Variants in PI4K2B observed in about 807,000 individuals in gnomAD.
PI4K2B encodes phosphatidylinositol 4-kinase type 2 beta.
A neutral mutation model predicts 56.6 loss-of-function variants in PI4K2B; 46 were observed. That is an observed-to-expected ratio of 0.81 (90% confidence interval 0.64 to 1.04). PI4K2B has a LOEUF of 1.04. PI4K2B is among the 50% of genes least tolerant of loss of function. The pLI is 0.00. For synonymous variants in PI4K2B, 211 were observed against 223.8 expected, an observed-to-expected ratio of 0.94 and a Z score of 0.51; for missense variants, 556 against 607.7, an observed-to-expected ratio of 0.91 and a Z score of 0.89.
chr4:25,271,772 A>G (rs1310035187), intron 9 of PI4K2B, among the ~76,000 whole-genome samples: 3 of 152,216 alleles, frequency 2.0e-5, no homozygotes, highest in Non-Finnish European at 4.4e-5. Flanking sequence ...TAAAATAAAG[A>G]AGTAAATAAA....
At chr4:25,255,908 G>C (rs1716246954) in intron 3 of PI4K2B, among the ~76,000 whole-genome samples, 1 of 151,020 alleles carries the variant, frequency 6.6e-6, no homozygotes, top group Admixed American at 6.6e-5. Flanking sequence ...TCATGCGCCT[G>C]GCACCCACAT....
intron 2 of PI4K2B, among the ~76,000 whole-genome samples, chr4:25,253,864 C>T (rs1302052700): frequency 1.3e-5 from 2 of 152,066 alleles, no homozygotes; most frequent in African/African-American, 4.8e-5. Context: ...CTCCACCTCC[C>T]GGGTTCAAGC....
chr4:25,245,396 C>G (rs536681676), intron 1 of PI4K2B, among the ~76,000 whole-genome samples: 1 of 152,266 alleles, frequency 6.6e-6, no homozygotes, highest in South Asian at 2.1e-4. Context: ...ATGGGCAAAT[C>G]TCGCTTGGGT....
chr4:25,243,964 G>C (rs1715652566), intron 1 of PI4K2B, among the ~76,000 whole-genome samples: 1 of 152,144 alleles, frequency 6.6e-6, no homozygotes, highest in African/African-American at 2.4e-5. Context: ...AAGACACCAG[G>C]TATCTCCAAA....
In PI4K2B at chr4:25,262,881, G is replaced by A. The variant is rs537305644; in HGVS notation, c.979-869G>A. Among the ~76,000 whole-genome samples the A allele has an allele frequency of 3.3e-5, 5 of 152,184 alleles. 1 individual carries two copies. The highest frequency in any genetic ancestry group is 3.9e-4 in the East Asian group (2 of 5,176). On this transcript the variant is annotated intron_variant, in intron 6 of 9. Coordinates refer to ENST00000264864, the MANE Select transcript of PI4K2B (RefSeq NM_018323.4). Reference sequence around the variant, plus strand: ...ATGGAAGAATACAGAAGTTAGGAACGGCCTACTGTATTAGTACATTCTCAC... The same window carrying A: ...ATGGAAGAATACAGAAGTTAGGAACAGCCTACTGTATTAGTACATTCTCAC...
rs530187535 is a variant in PI4K2B at position 25,263,356 on chromosome 4, G to C, written c.979-394G>C. 7.2e-5 allele frequency among the ~76,000 whole-genome samples: 11 copies of C among 152,176 alleles called. No individual in the cohort carries two copies. In the South Asian group the frequency reaches 2.1e-3, roughly 29 times the overall value. ...TTTATTTCTTTGGGACCCTAAGAAA[G>C]ACTAGGTCTTAATAAGGTGATTATT... On this transcript the variant is annotated intron_variant, in intron 6 of 9. Transcript: ENST00000264864.
At chr4:25,234,622 C>T (rs931949158) in intron 1 of PI4K2B, among the ~76,000 whole-genome samples, 191 bp downstream of exon 1, 4 of 152,264 alleles carry the variant, frequency 2.6e-5, no homozygotes, top group Non-Finnish European at 4.4e-5. Context: ...CGCTCTTTCT[C>T]CGGGAGCTCC....
At chr4:25,269,096 A>G in intron 8 of PI4K2B, 48 bp from the exon 9 acceptor site, 1 of 1,036,626 alleles carries the variant, frequency 9.6e-7, no homozygotes, top group Non-Finnish European at 1.5e-6. Context: ...TCAAATATTT[A>G]TATCAAAGTC....
intron 1 of PI4K2B, among the ~76,000 whole-genome samples, chr4:25,250,099 A>G (rs1173284430): frequency 1.3e-5 from 2 of 152,170 alleles, no homozygotes; most frequent in African/African-American, 4.8e-5. Context: ...CGCGCCTGCA[A>G]TCCCAGGCAC....
intron 1 of PI4K2B, among the ~76,000 whole-genome samples, chr4:25,235,589 C>T (rs1715227711): frequency 6.6e-6 from 1 of 152,160 alleles, no homozygotes; most frequent in African/African-American, 2.4e-5. Context: ...TATAATGTTA[C>T]CTGATGGATG....
intron 2 of PI4K2B, among the ~76,000 whole-genome samples, chr4:25,252,899 C>T (rs1002462823): frequency 6.6e-6 from 1 of 152,204 alleles, no homozygotes; most frequent in African/African-American, 2.4e-5. Context: ...AGGTGTGAGC[C>T]ACTGTGCCCA....
chr4:25,262,622 C>CT (rs1288481131), intron 6 of PI4K2B, among the ~76,000 whole-genome samples: 10 of 152,080 alleles, frequency 6.6e-5, no homozygotes, highest in African/African-American at 2.4e-4. Flanking sequence ...AATCAGAATA[C>CT]CCTTTTTTTT....
chr4:25,252,322 A>C lies in PI4K2B; in HGVS notation c.270A>C (p.Val90=). Residue 90 remains valine (V), a splice_region_variant and synonymous_variant, in exon 2 of 10, where the codon GTA becomes GTC. Transcript: ENST00000264864. ...AGCTGGTATTTCTTCTTAATGCAGT[A>C]ACTATTGGTACTTCAGAGATGAATG... is the stretch of plus-strand genomic sequence containing the variant. ...ELDRSRPAVS[V]TIGTSEMNAF... 6.2e-7 allele frequency: 1 copy of C among 1,607,020 alleles called. No individual in the cohort carries two copies. The highest frequency in any genetic ancestry group is 8.5e-7 in the Non-Finnish European group (1 of 1,174,216).
chr4:25,239,887 T>G lies in PI4K2B; in HGVS notation c.268+5456T>G, dbSNP rs962360058. Among the ~76,000 whole-genome samples, 14 of 152,346 alleles carry G rather than the reference T, an allele frequency of 9.2e-5. No individual in the cohort carries two copies. The East Asian group carries it at 2.5e-3, about 27-fold the overall frequency. ...TTCCTGCTGGATAGGGGCAATGAAGTGGCCCTGCAGTTTTAGTGTCCTCCA... is the reference window on the plus strand; with the variant it reads ...TTCCTGCTGGATAGGGGCAATGAAGGGGCCCTGCAGTTTTAGTGTCCTCCA... On this transcript the variant is annotated intron_variant, in intron 1 of 9. Transcript: ENST00000264864.
At chr4:25,237,082 T>C (rs1484592457) in intron 1 of PI4K2B, among the ~76,000 whole-genome samples, 4 of 152,224 alleles carry the variant, frequency 2.6e-5, no homozygotes, top group Non-Finnish European at 5.9e-5. Context: ...TTATGTACTT[T>C]AGCCAGTGGA....
At chr4:25,267,424 G>A (rs79834226) in intron 7 of PI4K2B, among the ~76,000 whole-genome samples, 45 of 152,370 alleles carry the variant, frequency 3.0e-4, no homozygotes, top group Admixed American at 1.5e-3. Context: ...GCGCTGAGGC[G>A]CACTCCTGTA....
At chr4:25,270,408 C>T (rs796891974) in intron 9 of PI4K2B, among the ~76,000 whole-genome samples, 25 of 151,802 alleles carry the variant, frequency 1.6e-4, no homozygotes, top group African/African-American at 5.6e-4. Flanking sequence ...TGCAATGGTG[C>T]GATCTCAGCT....
chr4:25,259,179 T>A lies in PI4K2B; in HGVS notation c.899T>A (p.Ile300Asn). ...FERLVILDYI[I>N]RNTDRGNDNW... The stretch of plus-strand genomic sequence containing the variant: ...AGATTAGTTATTTTGGATTACATCA[T>A]CAGAAATACAGGTATTGAAGTTCTC... Residue 300 changes from isoleucine to asparagine, a missense_variant, in exon 5 of 10, where the codon ATC becomes AAC. Transcript: ENST00000264864. 1 of 1,559,432 alleles carries A rather than the reference T, an allele frequency of 6.4e-7. No homozygotes were observed. Among genetic ancestry groups the A allele is most frequent in the Non-Finnish European group, 8.8e-7 (1 of 1,136,474 alleles).
intron 1 of PI4K2B, among the ~76,000 whole-genome samples, chr4:25,239,962 TC>T (rs1020825632): frequency 6.6e-6 from 1 of 152,174 alleles, no homozygotes; most frequent in African/African-American, 2.4e-5. Context: ...GGTCCAGGGG[TC>T]CTCAGTAGAA....
Sources: allele counts gnomAD v4.1 joint callset (sites outside exome capture counted in the v4.1 genomes callset), GRCh38; gene constraint gnomAD v4.1.1; transcripts MANE v1.5; gene names NCBI Gene and HGNC (gene_info 2026-07-23, HGNC 2026-07-21).